Variants in EPS8 observed in about 807,000 individuals in gnomAD.
EPS8 encodes the protein EGFR pathway substrate 8, signaling adaptor.
A neutral mutation model predicts 103.8 loss-of-function variants in EPS8; 42 were observed. That is an observed-to-expected ratio of 0.40 (90% CI 0.32 to 0.52). The LOEUF is 0.52. EPS8 is among the 20% of genes least tolerant of loss of function. The probability of loss-of-function intolerance (pLI) is 0.40; values close to 1 mark genes in which losing one functional copy is unlikely to be tolerated. For missense variants in EPS8, 969 were observed against 1,005.1 expected, an observed-to-expected ratio of 0.96 and a Z score of 0.49; for synonymous variants, 344 against 344.6, an observed-to-expected ratio of 1.00 and a Z score of 0.02.
chr12:15,775,764 T>C (rs1947201224), intron 1 of EPS8, among the ~76,000 whole-genome samples: 1 of 152,162 alleles, frequency 6.6e-6, no homozygotes, highest in Admixed American at 6.6e-5. Flanking sequence ...ATTAGAGTAT[T>C]CTCATTATTT....
chr12:15,672,757 C>T (rs544018141), intron 3 of EPS8, among the ~76,000 whole-genome samples: 1 of 152,242 alleles, frequency 6.6e-6, no homozygotes, highest in South Asian at 2.1e-4. Context: ...TTCACAAAAC[C>T]ACATCTAGAA....
chr12:15,751,793 C>T lies in EPS8; in HGVS notation c.-22+37368G>A, dbSNP rs887244134. ...TCCTTCTTACCATACTCTACTTACA[C>T]CATAGCTCAGACAACATGTTAGACG... On this transcript the variant is annotated intron_variant, in intron 1 of 20. Coordinates refer to ENST00000281172, the MANE Select transcript of EPS8 (RefSeq NM_004447.6). The surrounding 1 kb of genome is among the most constrained non-coding windows in gnomAD (Gnocchi z 4.3). Among the ~76,000 whole-genome samples, 1 of 152,054 alleles carries T rather than the reference C, an allele frequency of 6.6e-6. No individual in the cohort carries two copies. The highest frequency in any genetic ancestry group is 1.5e-5 in the Non-Finnish European group (1 of 68,026).
At chr12:15,773,348 T>G (rs1234442557) in intron 1 of EPS8, among the ~76,000 whole-genome samples, 2 of 152,178 alleles carry the variant, frequency 1.3e-5, no homozygotes. Flanking sequence ...ATGCTCTGGT[T>G]TAAGTCAAGT....
Position 15,695,073 on chromosome 12 carries a change from T to C in EPS8, c.-21-12101A>G, listed in dbSNP as rs1946225004. On this transcript the variant is annotated intron_variant, in intron 1 of 20. Coordinates refer to ENST00000281172, the MANE Select transcript of EPS8 (RefSeq NM_004447.6). The surrounding 1 kb of genome is among the most constrained non-coding windows in gnomAD (Gnocchi z 5.0). ...TTAAGAGGTAAAAAGAACTTCTTAT[T>C]CTCATTTTAATGAGAATCTGAGACT... 6.6e-6 allele frequency among the ~76,000 whole-genome samples: 1 copy of C among 152,214 alleles called. No homozygotes were observed. Among genetic ancestry groups the C allele is most frequent in the South Asian group, 2.1e-4 (1 of 4,834 alleles).
In EPS8 at chr12:15,745,371, C is replaced by T. The variant is rs962655334; in HGVS notation, c.-22+43790G>A. 6.6e-6 allele frequency among the ~76,000 whole-genome samples: 1 copy of T among 152,108 alleles called. No individual in the cohort carries two copies. Among genetic ancestry groups the T allele is most frequent in the Non-Finnish European group, 1.5e-5 (1 of 68,014 alleles). On this transcript the variant is annotated intron_variant, in intron 1 of 20. Transcript: ENST00000281172. This position sits in a 1 kb window ranked among gnomAD's most constrained non-coding sequence, Gnocchi z 4.6. ...GGGCCCTCCCCGTTCCCATAAAAAA[C>T]ATCAATAATTTATCATTACACTCTT... is the stretch of plus-strand genomic sequence containing the variant.
At chr12:15,676,857 G>A (rs145174175) in intron 3 of EPS8, among the ~76,000 whole-genome samples, 1 of 152,072 alleles carries the variant, frequency 6.6e-6, no homozygotes, top group African/African-American at 2.4e-5. Context: ...TTTAAAAATG[G>A]CAAAATCAAG....
intron 20 of EPS8, among the ~76,000 whole-genome samples, chr12:15,622,263 T>C (rs1421278544): frequency 6.6e-6 from 1 of 152,198 alleles, no homozygotes; most frequent in Non-Finnish European, 1.5e-5. Context: ...ATTCAACATA[T>C]GGAAAGCAAT....
chr12:15,647,077 ATCAGAGACAT>A, intron 15 of EPS8, 40 bp downstream of exon 15: 1 of 1,570,690 alleles, frequency 6.4e-7, no homozygotes, highest in African/African-American at 1.3e-5. Flanking sequence ...TTAGCACTAG[ATCAGAGACAT>A]TTATCCACAG....
intron 4 of EPS8, among the ~76,000 whole-genome samples, chr12:15,670,608 T>A (rs980250358): frequency 6.6e-5 from 10 of 152,122 alleles, no homozygotes; most frequent in Non-Finnish European, 2.9e-5. Context: ...TATTCTATTA[T>A]AAGTGAAATA....
At chr12:15,647,355 A>G (rs1315574995) in intron 14 of EPS8, 95 bp from the exon 15 acceptor site, 1 of 1,113,874 alleles carries the variant, frequency 9.0e-7, no homozygotes, top group African/African-American at 1.6e-5. Context: ...ATATTGTGAT[A>G]AGTTTTCATT....
rs562502447 is a variant in EPS8, at chr12:15,778,726, T to C, written c.-22+10435A>G. On this transcript the variant is annotated intron_variant, in intron 1 of 20. Coordinates refer to ENST00000281172, the MANE Select transcript of EPS8 (RefSeq NM_004447.6). The surrounding 1 kb of genome is among the most constrained non-coding windows in gnomAD (Gnocchi z 4.5). ...CACTGCAAAGAGAAATTGGAGATTA[T>C]GTACGCATGCATATAAACATAAACA... Among the ~76,000 whole-genome samples, 1 of 152,352 alleles carries C rather than the reference T, an allele frequency of 6.6e-6. No homozygotes were observed. Among genetic ancestry groups the C allele is most frequent in the South Asian group, 2.1e-4 (1 of 4,830 alleles).
At chr12:15,741,441 C>T (rs1291473168) in intron 1 of EPS8, among the ~76,000 whole-genome samples, 2 of 152,150 alleles carry the variant, frequency 1.3e-5, no homozygotes, top group East Asian at 1.9e-4. Flanking sequence ...CTGGCAGGAT[C>T]ATTTGTAGGT....
At position 15,695,472 on chromosome 12, in the gene EPS8, G is replaced by A. The variant is rs1174965110; in HGVS notation, c.-21-12500C>T. 1.3e-5 allele frequency among the ~76,000 whole-genome samples: 2 copies of A among 152,200 alleles called. No individual in the cohort carries two copies. The highest frequency in any genetic ancestry group is 2.4e-5 in the African/African-American group (1 of 41,430). ...TACAGTAGCTGAGCACAAGTGTTGAGCACTTGAAATGTGGCTAGTGCCACT... is the reference window on the plus strand; with the variant it reads ...TACAGTAGCTGAGCACAAGTGTTGAACACTTGAAATGTGGCTAGTGCCACT... On this transcript the variant is annotated intron_variant, in intron 1 of 20. Transcript: ENST00000281172. The surrounding 1 kb of genome is among the most constrained non-coding windows in gnomAD (Gnocchi z 5.0).
rs976598724 is a variant in EPS8, at chr12:15,759,917, G to A, written c.-22+29244C>T. ...GCATCTTAAAGAACTAGAAAAGCAAGAGCAAACCAAACCCAAAATTCATAG... is the reference window on the plus strand; with the variant it reads ...GCATCTTAAAGAACTAGAAAAGCAAAAGCAAACCAAACCCAAAATTCATAG... On this transcript the variant is annotated intron_variant, in intron 1 of 20. Coordinates refer to ENST00000281172, the MANE Select transcript of EPS8 (RefSeq NM_004447.6). The surrounding 1 kb of genome is among the most constrained non-coding windows in gnomAD (Gnocchi z 4.9). Among the ~76,000 whole-genome samples the A allele has an allele frequency of 6.6e-6, 1 of 151,464 alleles. No individual in the cohort carries two copies. The highest frequency in any genetic ancestry group is 1.5e-5 in the Non-Finnish European group (1 of 67,760).
chr12:15,630,172 T>A (rs1373385824), intron 18 of EPS8, among the ~76,000 whole-genome samples: 1 of 143,710 alleles, frequency 7.0e-6, no homozygotes, highest in African/African-American at 2.5e-5. Context: ...GATATCCATC[T>A]CTCTCTCTCT....
chr12:15,669,642 A>G (rs373485128), intron 5 of EPS8, 22 bp downstream of exon 5: 10 of 1,568,692 alleles, frequency 6.4e-6, no homozygotes, highest in Admixed American at 3.8e-5. Flanking sequence ...AAAATAAAAT[A>G]GTATAAATTT....
chr12:15,654,193 T>C lies in EPS8; in HGVS notation c.1202A>G (p.Asp401Gly), dbSNP rs1945467147. The change falls in exon 13 of 21, where the codon GAT becomes GGT. Residue 401 changes from aspartate (D) to glycine (G), a missense_variant. By Grantham distance (94) the Asp-to-Gly change is moderately conservative. Transcript: ENST00000281172. ...IDFLNYTVNG[D>G]ERQLWMSLGG... is the part of the protein sequence containing the mutation. ...CAATGACATCCACAGCTGCCGTTCA[T>C]CACCATTGACAGTATAATTTAAGAA... 6.2e-7 allele frequency: 1 copy of C among 1,613,772 alleles called. No individual in the cohort carries two copies. Among genetic ancestry groups the C allele is most frequent in the Admixed American group, 1.7e-5 (1 of 59,970 alleles).
chr12:15,640,580 A>C, intron 17 of EPS8, 123 bp downstream of exon 17: 1 of 776,844 alleles, frequency 1.3e-6, no homozygotes, highest in African/African-American at 1.8e-5. Context: ...CAATTACTCT[A>C]GAAAAAATAT....
chr12:15,670,971 A>G lies in EPS8; in HGVS notation c.137-48T>C, dbSNP rs1236644170. Reference sequence around the variant, plus strand: ...CATGATTTGTCCCCTAATAGACTGAAGTTCATATGTTGGTATCATGTGGCT... The same window carrying G: ...CATGATTTGTCCCCTAATAGACTGAGGTTCATATGTTGGTATCATGTGGCT... On this transcript the variant is annotated intron_variant, in intron 3 of 20. Coordinates refer to ENST00000281172, the MANE Select transcript of EPS8 (RefSeq NM_004447.6). 2.9e-6 allele frequency: 4 copies of G among 1,367,672 alleles called. No individual in the cohort carries two copies. The Admixed American group carries it at 6.8e-5, about 23-fold the overall frequency. 84.7% of individuals were successfully genotyped at this position (1,367,672 alleles called of 1,614,324 possible).
Sources: allele counts gnomAD v4.1 joint callset (sites outside exome capture counted in the v4.1 genomes callset), GRCh38; gene constraint gnomAD v4.1.1; non-coding constraint Gnocchi (gnomAD v3.1); transcripts MANE v1.5; gene names NCBI Gene and HGNC (gene_info 2026-07-23, HGNC 2026-07-21).